Variants in CCSER1 observed in about 807,000 individuals in gnomAD.
CCSER1 encodes the protein coiled-coil serine rich protein 1, also known as serine-rich coiled-coil domain-containing protein 1.
In CCSER1, 41 loss-of-function variants were observed where a neutral mutation model predicts 82.0. The ratio of observed to expected loss-of-function variants is 0.50; its 90% CI spans 0.39 to 0.65. The LOEUF (loss-of-function observed/expected upper bound fraction) is 0.65, where lower values mean the gene tolerates loss of function less well. Ranked by LOEUF, CCSER1 falls within the 30% of genes least tolerant of loss-of-function variation. The probability of loss-of-function intolerance (pLI) is 0.00; values close to 1 mark genes in which losing one functional copy is unlikely to be tolerated. For synonymous variants in CCSER1, 414 were observed against 383.9 expected, an observed-to-expected ratio of 1.08 and a Z score of -0.92; for missense variants, 1,119 against 1,064.2, an observed-to-expected ratio of 1.05 and a Z score of -0.72.
At chr4:91,518,834 C>A (rs1371395142) in intron 10 of CCSER1, among the ~76,000 whole-genome samples, 1 of 152,180 alleles carries the variant, frequency 6.6e-6, no homozygotes, top group African/African-American at 2.4e-5. Context: ...TGGGTATGCT[C>A]AGCCATGGGT....
intron 10 of CCSER1, among the ~76,000 whole-genome samples, chr4:91,123,497 A>G (rs1156532164): frequency 6.6e-6 from 1 of 151,738 alleles, no homozygotes; most frequent in Non-Finnish European, 1.5e-5. Context: ...TCCATGTTAT[A>G]GCTGCTAAAG....
chr4:90,220,462 CT>C (rs369855943), intron 1 of CCSER1, among the ~76,000 whole-genome samples: 28 of 145,746 alleles, frequency 1.9e-4, no homozygotes, highest in Admixed American at 2.1e-4. Flanking sequence ...TTTTGATTTG[CT>C]TTTTTTTTTG....
chr4:91,178,073 G>A (rs1290891710), intron 10 of CCSER1, among the ~76,000 whole-genome samples: 1 of 152,174 alleles, frequency 6.6e-6, no homozygotes, highest in Non-Finnish European at 1.5e-5. Context: ...TATGTACCCA[G>A]TAGTCATTCA....
rs1309853385 is a variant in CCSER1 at position 91,601,402 on chromosome 4, TATA to T, written c.*2349_*2351del. 1 of 152,056 alleles carries T rather than the reference TATA, an allele frequency of 6.6e-6. No homozygotes were observed. Among genetic ancestry groups the T allele is most frequent in the Non-Finnish European group, 1.5e-5 (1 of 67,956 alleles). The allele number at this position is 152,056 out of a possible 1,614,324, so 9.4% of individuals were successfully genotyped here. ...TTTGTATCAGTATTTTCAACATTGT[TATA>T]ATATTATTTGTAATACTAAGTGTAA... On this transcript the variant is annotated 3_prime_UTR_variant, in exon 11 of 11. Transcript: ENST00000509176.
chr4:91,320,182 A>G (rs1746101088), intron 10 of CCSER1, among the ~76,000 whole-genome samples: 1 of 152,048 alleles, frequency 6.6e-6, no homozygotes, highest in Admixed American at 6.6e-5. Context: ...CTGGCTTTGT[A>G]AAGTGCTTCA....
intron 10 of CCSER1, among the ~76,000 whole-genome samples, chr4:91,235,897 G>A (rs911305310): frequency 1.3e-5 from 2 of 152,084 alleles, no homozygotes; most frequent in Non-Finnish European, 2.9e-5. Context: ...TATATGGTGA[G>A]TGAATCATAA....
chr4:91,003,760 G>A (rs1036774105), intron 9 of CCSER1, among the ~76,000 whole-genome samples: 2 of 152,036 alleles, frequency 1.3e-5, no homozygotes, highest in African/African-American at 2.4e-5. Context: ...GGTTGAAATT[G>A]TTAAAAAAAA....
intron 10 of CCSER1, among the ~76,000 whole-genome samples, chr4:91,180,464 C>G (rs559208268): frequency 6.6e-6 from 1 of 152,190 alleles, no homozygotes; most frequent in Non-Finnish European, 1.5e-5. Context: ...CCACCTAGTT[C>G]GAGCTTCCTT....
At chr4:90,384,673 G>C (rs1205317698) in intron 3 of CCSER1, among the ~76,000 whole-genome samples, 2 of 152,118 alleles carry the variant, frequency 1.3e-5, no homozygotes, top group Admixed American at 1.3e-4. Context: ...ACTCCTCTCT[G>C]TTCCAGTCAT....
intron 9 of CCSER1, among the ~76,000 whole-genome samples, chr4:90,999,672 C>T (rs1057156251): frequency 2.0e-5 from 3 of 152,120 alleles, no homozygotes; most frequent in African/African-American, 7.2e-5. Context: ...TTCTCCAGTT[C>T]TCTAGGTTGT....
At chr4:90,589,079 A>G (rs1782378095) in intron 5 of CCSER1, among the ~76,000 whole-genome samples, 1 of 152,200 alleles carries the variant, frequency 6.6e-6, no homozygotes, top group Non-Finnish European at 1.5e-5. Flanking sequence ...AATAAGGCAA[A>G]TATACCAGTA....
chr4:90,738,307 A>T (rs1580231289), intron 7 of CCSER1, among the ~76,000 whole-genome samples: 1 of 152,130 alleles, frequency 6.6e-6, no homozygotes, highest in Non-Finnish European at 1.5e-5. Flanking sequence ...GTCTTTGGTC[A>T]CTGCAGCCAT....
chr4:90,493,789 C>T (rs559124360), intron 5 of CCSER1, among the ~76,000 whole-genome samples: 13 of 152,208 alleles, frequency 8.5e-5, no homozygotes, highest in South Asian at 6.2e-4. Context: ...AAGGAACAAC[C>T]GGTACCAGCT....
intron 8 of CCSER1, among the ~76,000 whole-genome samples, chr4:90,917,484 A>T (rs1344561157): frequency 1.3e-5 from 2 of 152,132 alleles, no homozygotes; most frequent in African/African-American, 4.8e-5. Context: ...TGGACCCAGG[A>T]AGGGGACATC....
chr4:90,483,872 A>G (rs949165407), intron 5 of CCSER1, among the ~76,000 whole-genome samples: 2 of 152,112 alleles, frequency 1.3e-5, no homozygotes, highest in South Asian at 4.2e-4. Flanking sequence ...CTTCTTGTGG[A>G]GTATCTTTGT....
Position 90,723,970 on chromosome 4 carries a change from T to G in CCSER1, c.1989T>G (p.Thr663=), listed in dbSNP as rs1388176955. 3.2e-6 allele frequency: 5 copies of G among 1,577,466 alleles called. No individual in the cohort carries two copies. The Admixed American group carries it at 8.8e-5, about 28-fold the overall frequency. ...CGTCACTTCCTGTTAGTCCTCTTAC[T>G]GAAGAGCCAGTGCCTTTCAAGGTAA... ...STTSLPVSPL[T]EEPVPFKDIM... Residue 663 remains threonine, a synonymous_variant, in exon 7 of 11, where the codon ACT becomes ACG. Coordinates refer to ENST00000509176, the MANE Select transcript of CCSER1 (RefSeq NM_001145065.2).
intron 5 of CCSER1, among the ~76,000 whole-genome samples, chr4:90,545,467 G>T (rs1314329998): frequency 1.3e-5 from 2 of 152,050 alleles, no homozygotes; most frequent in Non-Finnish European, 2.9e-5. Flanking sequence ...TTCTTAAAAT[G>T]ATATTCCATT....
intron 6 of CCSER1, among the ~76,000 whole-genome samples, chr4:90,719,174 T>A (rs1742235434): frequency 6.6e-6 from 1 of 152,052 alleles, no homozygotes. Context: ...CCAACTGAGC[T>A]CCACCTGCCT....
chr4:90,154,781 T>C (rs1471606326), intron 1 of CCSER1, among the ~76,000 whole-genome samples: 1 of 149,440 alleles, frequency 6.7e-6, no homozygotes, highest in African/African-American at 2.5e-5. Flanking sequence ...GATTTTGGGC[T>C]GAGACAATGG....
Sources: allele counts gnomAD v4.1 joint callset (sites outside exome capture counted in the v4.1 genomes callset), GRCh38; gene constraint gnomAD v4.1.1; transcripts MANE v1.5; gene names NCBI Gene and HGNC (gene_info 2026-07-23, HGNC 2026-07-21).